DAB1: variants seen among roughly 807,000 people sequenced by gnomAD.
The protein encoded by DAB1 is DAB adaptor protein 1, also known as disabled homolog 1.
DAB1 carries 15 observed loss-of-function variants against 64.6 expected under a neutral mutation model. That is an observed-to-expected ratio of 0.23 (90% CI 0.16 to 0.36). The LOEUF (loss-of-function observed/expected upper bound fraction) is 0.36. Ranked by LOEUF, DAB1 falls within the 10% of genes least tolerant of loss-of-function variation. The pLI is 1.00. For synonymous variants in DAB1, 235 were observed against 251.9 expected (o/e 0.93, Z 0.64); for missense variants, 596 against 706.7 (o/e 0.84, Z 1.78).
intron 11 of DAB1, among the ~76,000 whole-genome samples, chr1:57,017,390 G>A (rs896261657): frequency 1.3e-5 from 2 of 152,132 alleles, no homozygotes; most frequent in African/African-American, 2.4e-5. Context: ...TGGGCGTTAC[G>A]GCATTGATGA....
chr1:57,630,766 G>A (rs561887254), intron 7 of DAB1, among the ~76,000 whole-genome samples: 103 of 152,222 alleles, frequency 6.8e-4, no homozygotes, highest in African/African-American at 2.3e-3. Flanking sequence ...AAATATCCAC[G>A]GATTTGTTGG....
intron 6 of DAB1, among the ~76,000 whole-genome samples, chr1:57,772,115 C>T (rs1276633806): frequency 6.6e-6 from 1 of 152,058 alleles, no homozygotes; most frequent in Non-Finnish European, 1.5e-5. Flanking sequence ...GGGCTCTGCA[C>T]TTATGATGGA....
intron 2 of DAB1, among the ~76,000 whole-genome samples, chr1:57,181,100 T>C (rs1201649237): frequency 6.6e-6 from 1 of 152,210 alleles, no homozygotes; most frequent in Non-Finnish European, 1.5e-5. Flanking sequence ...GTGACCACTG[T>C]CTTTCCAGAG....
At chr1:58,542,078 T>G (rs890662436) in intron 1 of DAB1, among the ~76,000 whole-genome samples, 2 of 152,238 alleles carry the variant, frequency 1.3e-5, no homozygotes, top group Admixed American at 1.3e-4. Context: ...AATTTATTTT[T>G]TATGTAATTC....
At chr1:58,108,079 T>C (rs1389073238) in intron 5 of DAB1, among the ~76,000 whole-genome samples, 1 of 152,220 alleles carries the variant, frequency 6.6e-6, no homozygotes, top group Non-Finnish European at 1.5e-5. Flanking sequence ...TGAGTCTGGC[T>C]GCACACAGCA....
At chr1:57,288,862 C>T (rs1672546210) in intron 2 of DAB1, among the ~76,000 whole-genome samples, 1 of 152,028 alleles carries the variant, frequency 6.6e-6, no homozygotes, top group South Asian at 2.1e-4. Flanking sequence ...TAATACATGC[C>T]AAGTAATAAG....
intron 1 of DAB1, among the ~76,000 whole-genome samples, chr1:57,294,721 A>G (rs1196318408): frequency 2.0e-5 from 3 of 152,176 alleles, no homozygotes; most frequent in African/African-American, 7.2e-5. Context: ...CAAACGAGGA[A>G]ACTGAGGCAC....
chr1:58,105,577 C>G (rs1373928556), intron 5 of DAB1, among the ~76,000 whole-genome samples: 1 of 152,200 alleles, frequency 6.6e-6, no homozygotes, highest in Non-Finnish European at 1.5e-5. Flanking sequence ...CAAAACATCT[C>G]TGTACTTCAG....
intron 4 of DAB1, among the ~76,000 whole-genome samples, chr1:58,159,562 C>G (rs1251644914): frequency 1.3e-5 from 2 of 152,130 alleles, no homozygotes; most frequent in Non-Finnish European, 2.9e-5. Context: ...AAAATCTCTC[C>G]ACGCTGTACA....
chr1:58,444,337 A>G (rs1451737442), intron 3 of DAB1, among the ~76,000 whole-genome samples: 1 of 152,254 alleles, frequency 6.6e-6, no homozygotes, highest in African/African-American at 2.4e-5. Flanking sequence ...CCTCACATCA[A>G]CGGTATAAGG....
intron 7 of DAB1, among the ~76,000 whole-genome samples, chr1:57,587,064 A>G (rs1043864767): frequency 1.3e-5 from 2 of 152,218 alleles, no homozygotes; most frequent in Non-Finnish European, 2.9e-5. Flanking sequence ...CATCAACTTC[A>G]GAGGGCTCAG....
At chr1:57,294,201 A>G (rs1673009541) in intron 1 of DAB1, among the ~76,000 whole-genome samples, 6 of 152,214 alleles carry the variant, frequency 3.9e-5, no homozygotes, top group Admixed American at 3.9e-4. Flanking sequence ...AGGCTGTGAA[A>G]TCCTATCAGT....
chr1:57,119,047 C>T (rs996007404), intron 4 of DAB1, among the ~76,000 whole-genome samples: 4 of 152,152 alleles, frequency 2.6e-5, no homozygotes, highest in African/African-American at 7.2e-5. Context: ...CTAAGCCTAT[C>T]GCAGCTTTGA....
chr1:57,226,092 T>C (rs1430704083), intron 2 of DAB1, among the ~76,000 whole-genome samples: 1 of 152,144 alleles, frequency 6.6e-6, no homozygotes, highest in African/African-American at 2.4e-5. Context: ...TTCATCTAAA[T>C]GTTGAGATCC....
intron 3 of DAB1, among the ~76,000 whole-genome samples, chr1:58,441,342 C>T (rs971936745): frequency 6.6e-6 from 1 of 152,204 alleles, no homozygotes; most frequent in Non-Finnish European, 1.5e-5. Flanking sequence ...GGCTCCAGAG[C>T]CCACTCAATA....
intron 3 of DAB1, among the ~76,000 whole-genome samples, chr1:58,406,754 C>T (rs939338257): frequency 1.3e-5 from 2 of 151,882 alleles, no homozygotes; most frequent in South Asian, 4.2e-4. Flanking sequence ...CTGCCTCCCA[C>T]CCTGATAAAG....
intron 3 of DAB1, among the ~76,000 whole-genome samples, chr1:58,429,511 T>C (rs777818773): frequency 3.3e-5 from 5 of 152,184 alleles, no homozygotes; most frequent in Non-Finnish European, 7.4e-5. Flanking sequence ...TTTCCCTGTG[T>C]CAGAGGCTGC....
At chr1:57,164,838 T>C (rs549105382) in intron 2 of DAB1, among the ~76,000 whole-genome samples, 8 of 152,252 alleles carry the variant, frequency 5.3e-5, no homozygotes, top group African/African-American at 1.9e-4. Flanking sequence ...TGGTTCCTTA[T>C]AATATGCCCT....
chr1:57,642,568 G>C (rs926481714), intron 7 of DAB1, among the ~76,000 whole-genome samples: 6 of 151,976 alleles, frequency 3.9e-5, no homozygotes, highest in African/African-American at 1.5e-4. Context: ...ATCAACTCTA[G>C]GTGTCTCTTG....
Sources: gnomAD v4.1 joint callset for allele counts (sites outside exome capture counted in the v4.1 genomes callset) on GRCh38, gnomAD v4.1.1 for gene constraint, MANE v1.5 for transcripts, NCBI Gene and HGNC (gene_info 2026-07-23, HGNC 2026-07-21) for gene names.